Variants in MACROH2A1 observed in about 807,000 individuals in gnomAD.
MACROH2A1 encodes the protein core histone macro-H2A.1.
MACROH2A1 carries 2 observed loss-of-function variants against 31.6 expected under a neutral mutation model. That is an observed-to-expected ratio of 0.06 (90% CI 0.03 to 0.20). MACROH2A1 has a LOEUF of 0.20. Ranked by LOEUF, MACROH2A1 falls within the 10% of genes least tolerant of loss-of-function variation. The probability of loss-of-function intolerance (pLI) is 1.00; values close to 1 mark genes in which losing one functional copy is unlikely to be tolerated. For synonymous variants in MACROH2A1, 169 were observed against 189.6 expected (o/e 0.89, Z 0.89); for missense variants, 230 against 474.0 (o/e 0.49, Z 4.78).
intron 8 of MACROH2A1, among the ~76,000 whole-genome samples, chr5:135,339,862 G>T (rs920261392): frequency 6.6e-6 from 1 of 152,216 alleles, no homozygotes; most frequent in Non-Finnish European, 1.5e-5. Flanking sequence ...CTAGAGAGGG[G>T]ATGGGGCAGC....
intron 5 of MACROH2A1, chr5:135,355,379 T>G (rs1762060004): frequency 5.1e-6 from 2 of 390,692 alleles, no homozygotes; most frequent in Non-Finnish European, 1.0e-5. Flanking sequence ...ATTGAGGATT[T>G]CCTGCCAACC....
At chr5:135,337,420 C>T (rs1011008947) in intron 8 of MACROH2A1, among the ~76,000 whole-genome samples, 3 of 152,390 alleles carry the variant, frequency 2.0e-5, no homozygotes, top group South Asian at 4.1e-4. Flanking sequence ...CTGGAACACA[C>T]CAAAAGTGTG....
chr5:135,351,856 C>T (rs889425984), intron 6 of MACROH2A1, among the ~76,000 whole-genome samples: 1 of 151,800 alleles, frequency 6.6e-6, no homozygotes, highest in African/African-American at 2.4e-5. Context: ...AGCCACTGCA[C>T]CTGGCCTTTG....
At chr5:135,344,835 C>A (rs1366192176) in intron 7 of MACROH2A1, 3 of 152,208 alleles carry the variant, frequency 2.0e-5, no homozygotes, top group African/African-American at 7.2e-5. Context: ...TCTGCTGTGG[C>A]TGAGGTTTCC....
At position 135,343,407 on chromosome 5, in the gene MACROH2A1, G is replaced by A; in HGVS notation, c.806C>T (p.Pro269Leu). The change falls in exon 8 of 9, where the codon CCT becomes CTT. Residue 269 changes from proline (P) to leucine (L), a missense_variant. By Grantham distance (98) the Pro-to-Leu change is moderately conservative. Coordinates refer to ENST00000511689, the MANE Select transcript of MACROH2A1 (RefSeq NM_138610.3). ...GAAVSAGHGL[P>L]AKFVIHCNSP... ...ATTACAGTGGATCACAAACTTGGCA[G>A]GCAGGCCATGGCCTGCGCTGACAGC... 6.2e-7 allele frequency: 1 copy of A among 1,614,182 alleles called. No individual in the cohort carries two copies. Among genetic ancestry groups the A allele is most frequent in the African/African-American group, 1.3e-5 (1 of 75,048 alleles).
rs1763873176 is a variant in MACROH2A1, at chr5:135,369,122, G to A, written c.477+284C>T. Reference sequence around the variant, plus strand: ...TGCATCTCCCTGGAAGGGCCAGCTTGGGAGTCCTTCCAGCTTGACACTATC... The same window carrying A: ...TGCATCTCCCTGGAAGGGCCAGCTTAGGAGTCCTTCCAGCTTGACACTATC... On this transcript the variant is annotated intron_variant, in intron 4 of 8. Coordinates refer to ENST00000511689, the MANE Select transcript of MACROH2A1 (RefSeq NM_138610.3). The surrounding 1 kb of genome is among the most constrained non-coding windows in gnomAD (Gnocchi z 4.3). 2.0e-5 allele frequency among the ~76,000 whole-genome samples: 3 copies of A among 152,170 alleles called. No homozygotes were observed. Among genetic ancestry groups the A allele is most frequent in the Admixed American group, 2.0e-4 (3 of 15,286 alleles).
chr5:135,390,555 C>A (rs757622619), intron 1 of MACROH2A1, among the ~76,000 whole-genome samples: 12 of 152,286 alleles, frequency 7.9e-5, no homozygotes, highest in Non-Finnish European at 1.6e-4. Flanking sequence ...ATATGAGGGG[C>A]CTTGGCCTGT....
At chr5:135,337,669 A>C (rs747337681) in intron 8 of MACROH2A1, among the ~76,000 whole-genome samples, 1 of 152,238 alleles carries the variant, frequency 6.6e-6, no homozygotes, top group African/African-American at 2.4e-5. Flanking sequence ...CTGTTCTACA[A>C]ATAGCCAGCA....
At chr5:135,360,299 G>T in intron 5 of MACROH2A1, 198 bp downstream of exon 5, 1 of 589,208 alleles carries the variant, frequency 1.7e-6, no homozygotes, top group Non-Finnish European at 3.0e-6. Flanking sequence ...TTCCCCAGCT[G>T]CCAGGGTCCT....
chr5:135,389,256 T>C (rs1000631820), intron 1 of MACROH2A1, 130 bp from the exon 2 acceptor site: 1 of 528,616 alleles, frequency 1.9e-6, no homozygotes, highest in South Asian at 4.0e-5. Flanking sequence ...TGCAGGGCCC[T>C]CCGGGTCCAG....
chr5:135,340,330 C>T (rs1211107107), intron 8 of MACROH2A1, among the ~76,000 whole-genome samples: 1 of 152,124 alleles, frequency 6.6e-6, no homozygotes. Context: ...GGGTTTAGCA[C>T]CGCGCCTGGG....
chr5:135,354,863 C>T (rs751225386), intron 5 of MACROH2A1: 5 of 355,356 alleles, frequency 1.4e-5, no homozygotes, highest in Non-Finnish European at 2.8e-5. Context: ...CCACACACCA[C>T]CAAAACACAC....
chr5:135,398,104 T>G lies in MACROH2A1; in HGVS notation c.-34+958A>C, dbSNP rs1469016861. On this transcript the variant is annotated intron_variant, in intron 1 of 8. Coordinates refer to ENST00000511689, the MANE Select transcript of MACROH2A1 (RefSeq NM_138610.3). The surrounding 1 kb of genome is among the most constrained non-coding windows in gnomAD (Gnocchi z 4.6). Reference sequence around the variant, plus strand: ...GTTGTTTGTACAGAAGTCTCTCACTTTGAAACTCAGAAACATTTCCCCTAA... The same window carrying G: ...GTTGTTTGTACAGAAGTCTCTCACTGTGAAACTCAGAAACATTTCCCCTAA... Among the ~76,000 whole-genome samples the G allele has an allele frequency of 6.6e-6, 1 of 152,210 alleles. No individual in the cohort carries two copies. Among genetic ancestry groups the G allele is most frequent in the South Asian group, 2.1e-4 (1 of 4,836 alleles).
At chr5:135,341,906 G>T (rs1402293499) in intron 8 of MACROH2A1, among the ~76,000 whole-genome samples, 3 of 152,220 alleles carry the variant, frequency 2.0e-5, no homozygotes, top group Non-Finnish European at 4.4e-5. Flanking sequence ...CCTTCCTTGG[G>T]TGCTGGGAGG....
Position 135,377,600 on chromosome 5 carries a change from CAG to C in MACROH2A1, c.173-7460_173-7459del, listed in dbSNP as rs151074411. On this transcript the variant is annotated intron_variant, in intron 2 of 8. Coordinates refer to ENST00000511689, the MANE Select transcript of MACROH2A1 (RefSeq NM_138610.3). Reference sequence around the variant, plus strand: ...ATCGGGCTACACATGTTCATCAAGACAGGGGAGCAGCTTCGCCCACTGGGAGC... The same window carrying C: ...ATCGGGCTACACATGTTCATCAAGACGGGAGCAGCTTCGCCCACTGGGAGC... 8.4e-3 allele frequency among the ~76,000 whole-genome samples: 1,285 copies of C among 152,320 alleles called. 22 individuals are homozygous for C. The highest frequency in any genetic ancestry group is 0.029 in the African/African-American group (1,217 of 41,568).
At chr5:135,374,620 T>C (rs1319573729) in intron 2 of MACROH2A1, among the ~76,000 whole-genome samples, 1 of 152,008 alleles carries the variant, frequency 6.6e-6, no homozygotes, top group Admixed American at 6.6e-5. Context: ...AGGGGGAGGG[T>C]GGGTTCTTGC....
intron 2 of MACROH2A1, among the ~76,000 whole-genome samples, chr5:135,372,897 CA>C (rs1764362583): frequency 1.3e-5 from 2 of 152,204 alleles, no homozygotes; most frequent in African/African-American, 4.8e-5. Flanking sequence ...TTGGAGGCCA[CA>C]ACGAAGTTTT....
chr5:135,369,544 C>T lies in MACROH2A1; in HGVS notation c.339G>A (p.Leu113=), dbSNP rs566376862. 6.2e-7 allele frequency: 1 copy of T among 1,614,122 alleles called. No homozygotes were observed. Among genetic ancestry groups the T allele is most frequent in the East Asian group, 2.2e-5 (1 of 44,878 alleles). ...CTTTGGATCCCCGCTTCTTCGCTAG[C>T]AACTCGGGGTGGATGTTGGGTAACA... ...GGVLPNIHPE[L]LAKKRGSKGK... Residue 113 remains leucine (L), a synonymous_variant, in exon 4 of 9, where the codon TTG becomes TTA. Coordinates refer to ENST00000511689, the MANE Select transcript of MACROH2A1 (RefSeq NM_138610.3). This position sits in a 1 kb window ranked among gnomAD's most constrained non-coding sequence, Gnocchi z 4.3.
At chr5:135,355,114 C>T (rs1185232464) in intron 5 of MACROH2A1, 1 of 455,970 alleles carries the variant, frequency 2.2e-6, no homozygotes, top group Non-Finnish European at 4.4e-6. Flanking sequence ...GGCTCTGCTT[C>T]AGCTAGCCAG....
Sources: gnomAD v4.1 joint callset for allele counts (sites outside exome capture counted in the v4.1 genomes callset) on GRCh38, gnomAD v4.1.1 for gene constraint, Gnocchi (gnomAD v3.1) non-coding constraint, MANE v1.5 for transcripts, NCBI Gene and HGNC (gene_info 2026-07-23, HGNC 2026-07-21) for gene names.